The following ZMYM2 variants were observed in gnomAD, a reference collection of about 807,000 sequenced individuals.
ZMYM2 encodes the protein zinc finger MYM-type containing 2, also known as zinc finger MYM-type protein 2.
In ZMYM2, 56 loss-of-function variants were observed where a neutral mutation model predicts 162.8. That is an observed-to-expected ratio of 0.34 (90% CI 0.28 to 0.43). ZMYM2 has a LOEUF of 0.43. Ranked by LOEUF, ZMYM2 falls within the 20% of genes least tolerant of loss-of-function variation. The probability of loss-of-function intolerance (pLI) is 1.00; values close to 1 mark genes in which losing one functional copy is unlikely to be tolerated. For missense variants in ZMYM2, 1,275 were observed against 1,621.8 expected (o/e 0.79, Z 3.67); for synonymous variants, 510 against 541.6 (o/e 0.94, Z 0.81).
intron 3 of ZMYM2, among the ~76,000 whole-genome samples, chr13:19,998,355 T>G (rs116264630): frequency 0.014 from 2,097 of 152,272 alleles, 41 homozygotes; most frequent in African/African-American, 0.047. Flanking sequence ...GAAGCACCAT[T>G]TTTTTCAGTG....
intron 3 of ZMYM2, among the ~76,000 whole-genome samples, chr13:19,994,867 C>G (rs555936248): frequency 6.6e-6 from 1 of 152,074 alleles, no homozygotes; most frequent in Non-Finnish European, 1.5e-5. Flanking sequence ...GGGTCTCTCT[C>G]TGTCGCCCAG....
chr13:19,911,179 C>T, the ZMYM2 span, among the ~76,000 whole-genome samples: 9 of 151,870 alleles, frequency 5.9e-5, 1 homozygote, highest in Admixed American at 5.9e-4. Context: ...GCCTCAGCCT[C>T]CCAAGTAGCT....
chr13:19,924,046 C>T, the ZMYM2 span, among the ~76,000 whole-genome samples: 1 of 152,268 alleles, frequency 6.6e-6, no homozygotes, highest in African/African-American at 2.4e-5. Flanking sequence ...CTCTCTCTCT[C>T]ACTTTGTAAC....
At chr13:19,967,581 A>G (rs1394556897) in intron 2 of ZMYM2, among the ~76,000 whole-genome samples, 1 of 152,220 alleles carries the variant, frequency 6.6e-6, no homozygotes, top group African/African-American at 2.4e-5. Context: ...AAAATAAGTA[A>G]ATTTTACTAC....
intron 2 of ZMYM2, among the ~76,000 whole-genome samples, chr13:19,963,098 C>A (rs1372105418): frequency 6.6e-6 from 1 of 152,164 alleles, no homozygotes; most frequent in African/African-American, 2.4e-5. Context: ...CTCAACCTTC[C>A]AGAGTGCTGA....
At chr13:20,058,510 T>C (rs1298480692) in intron 14 of ZMYM2, 65 bp from the exon 15 acceptor site, 4 of 1,541,614 alleles carry the variant, frequency 2.6e-6, no homozygotes, top group Non-Finnish European at 3.5e-6. Context: ...AAATCCTTCA[T>C]TGACACTAGG....
intron 21 of ZMYM2, chr13:20,071,969 C>CT (rs1167173077): frequency 5.4e-6 from 1 of 186,566 alleles, no homozygotes; most frequent in East Asian, 9.4e-5. Flanking sequence ...AATTGCTTTC[C>CT]TTTAAGAGTC....
At chr13:19,878,056 C>CG in the ZMYM2 span, among the ~76,000 whole-genome samples, 2 of 144,816 alleles carry the variant, frequency 1.4e-5, no homozygotes. Context: ...TTTTTGATTA[C>CG]TTTTTTTTTT....
chr13:19,965,693 A>G (rs931162389), intron 2 of ZMYM2, among the ~76,000 whole-genome samples: 1 of 148,982 alleles, frequency 6.7e-6, no homozygotes, highest in Non-Finnish European at 1.5e-5. Flanking sequence ...TTAGATTTGT[A>G]CTTTTTTTCG....
chr13:20,054,446 A>G (rs1304483864), intron 14 of ZMYM2, among the ~76,000 whole-genome samples: 4 of 152,158 alleles, frequency 2.6e-5, no homozygotes, highest in East Asian at 3.9e-4. Context: ...GTTTCCTCCT[A>G]TGTAAAATGG....
chr13:19,951,169 G>C, the ZMYM2 span, among the ~76,000 whole-genome samples: 2 of 152,114 alleles, frequency 1.3e-5, no homozygotes, highest in African/African-American at 4.8e-5. Context: ...GGTGGGCTAT[G>C]ATGCCTGGGA....
At chr13:19,902,235 T>C in the ZMYM2 span, among the ~76,000 whole-genome samples, 1 of 152,292 alleles carries the variant, frequency 6.6e-6, no homozygotes, top group South Asian at 2.1e-4. Context: ...TTGCCAGTGA[T>C]TAAGTAAAAT....
chr13:19,869,836 G>A, the ZMYM2 span, among the ~76,000 whole-genome samples: 1 of 152,008 alleles, frequency 6.6e-6, no homozygotes, highest in Non-Finnish European at 1.5e-5. Flanking sequence ...TAGTAGTGAT[G>A]GGAAAAAGAA....
intron 6 of ZMYM2, 111 bp downstream of exon 6, chr13:20,006,697 T>A: frequency 2.7e-6 from 3 of 1,098,492 alleles, no homozygotes; most frequent in Non-Finnish European, 3.9e-6. Flanking sequence ...GAATTTCATT[T>A]AATTCCATTA....
chr13:19,922,568 G>A, the ZMYM2 span, among the ~76,000 whole-genome samples: 1 of 152,142 alleles, frequency 6.6e-6, no homozygotes, highest in Admixed American at 6.5e-5. Context: ...TGGTTGGCCG[G>A]ATGTCGTGGC....
chr13:20,008,354 C>T (rs1378477466), intron 6 of ZMYM2, among the ~76,000 whole-genome samples: 3 of 152,234 alleles, frequency 2.0e-5, no homozygotes, highest in African/African-American at 7.2e-5. Context: ...TGGTCTCAAA[C>T]TCCTGACCTC....
At chr13:19,993,997 GT>G in intron 3 of ZMYM2, 78 bp downstream of exon 3, 1 of 1,456,564 alleles carries the variant, frequency 6.9e-7, no homozygotes. Flanking sequence ...GTAGTAACTG[GT>G]ATTACCTTGT....
chr13:20,074,227 T>A (rs915063184), intron 21 of ZMYM2, among the ~76,000 whole-genome samples: 5 of 145,624 alleles, frequency 3.4e-5, no homozygotes, highest in Admixed American at 1.4e-4. Context: ...TGTGTGTGTG[T>A]GTGTGTGTGT....
intron 7 of ZMYM2, among the ~76,000 whole-genome samples, chr13:20,021,395 T>C (rs1952091182): frequency 2.0e-5 from 3 of 148,046 alleles, no homozygotes; most frequent in Non-Finnish European, 4.5e-5. Flanking sequence ...ACAAAATGCC[T>C]GTCATTTTTA....
Sources: gnomAD v4.1 joint callset for allele counts (sites outside exome capture counted in the v4.1 genomes callset) on GRCh38, gnomAD v4.1.1 for gene constraint, MANE v1.5 for transcripts, NCBI Gene and HGNC (gene_info 2026-07-23, HGNC 2026-07-21) for gene names.